Variants in METTL4 observed in about 807,000 individuals in gnomAD.
The protein encoded by METTL4 is methyltransferase 4, N6-adenosine.
A neutral mutation model predicts 54.0 loss-of-function variants in METTL4; 40 were observed. That is an observed-to-expected ratio of 0.74 (90% CI 0.58 to 0.96). The LOEUF (loss-of-function observed/expected upper bound fraction) is 0.96. Ranked by LOEUF, METTL4 falls within the 50% of genes least tolerant of loss-of-function variation. The probability of loss-of-function intolerance (pLI) is 0.00; values close to 1 mark genes in which losing one functional copy is unlikely to be tolerated. For synonymous variants in METTL4, 169 were observed against 183.8 expected (o/e 0.92, Z 0.65); for missense variants, 525 against 549.0 (o/e 0.96, Z 0.44).
chr18:2,544,097 G>T, intron 8 of METTL4, 98 bp downstream of exon 8: 2 of 828,358 alleles, frequency 2.4e-6, no homozygotes, highest in South Asian at 1.9e-5. Flanking sequence ...ACCTACGTCT[G>T]ACTTAATTTC....
Position 2,538,841 on chromosome 18 carries a change from T to C in METTL4, c.*159A>G. ...ACTCAAGTAAAATTCATCTTAAAAT[T>C]ACATGAAGGCTAGTCACTTCTGGTC... On this transcript the variant is annotated 3_prime_UTR_variant, in exon 9 of 9. Transcript: ENST00000574538. The C allele has an allele frequency of 1.5e-6, 1 of 653,840 alleles. No homozygotes were observed. The highest frequency in any genetic ancestry group is 2.5e-6 in the Non-Finnish European group (1 of 392,246). 40.5% of individuals were successfully genotyped at this position (653,840 alleles called of 1,614,324 possible). A position where few individuals can be genotyped will look rare whatever the true frequency, so the allele number is the denominator to read the frequency against.
At chr18:2,566,407 G>A (rs1000983702) in intron 2 of METTL4, among the ~76,000 whole-genome samples, 9 of 151,986 alleles carry the variant, frequency 5.9e-5, no homozygotes, top group Non-Finnish European at 1.2e-4. Flanking sequence ...AAAAACCTCC[G>A]AAATACCACT....
At position 2,554,714 on chromosome 18, in the gene METTL4, T is replaced by G; in HGVS notation, c.784A>C (p.Ser262Arg). The stretch of plus-strand genomic sequence containing the variant: ...CAAGAAATGTCAGATAAAAGAAAAC[T>G]GCTTTTCGGTGGTAGCAGGTATTTC... ...GQKYLLPPKS[S>R]FLLSDISCMQ... The change falls in exon 4 of 9, where the codon AGT becomes CGT. Residue 262 changes from serine (S) to arginine (R), a missense_variant. Physicochemically the swap from Ser to Arg is moderately radical, Grantham distance 110. Transcript: ENST00000574538. 1 of 1,609,920 alleles carries G rather than the reference T, an allele frequency of 6.2e-7. No homozygotes were observed. The highest frequency in any genetic ancestry group is 8.5e-7 in the Non-Finnish European group (1 of 1,178,908).
chr18:2,566,716 G>T, intron 2 of METTL4, 105 bp downstream of exon 2: 2 of 940,036 alleles, frequency 2.1e-6, no homozygotes, highest in Non-Finnish European at 2.9e-6. Context: ...GGGTTTTACT[G>T]ATTCTTCTTT....
chr18:2,563,979 T>C, intron 2 of METTL4, 120 bp from the exon 3 acceptor site: 1 of 602,594 alleles, frequency 1.7e-6, no homozygotes, highest in Non-Finnish European at 2.8e-6. Flanking sequence ...ATAGTAGTAA[T>C]TGTCTACTGA....
chr18:2,544,097 G>C, intron 8 of METTL4, 98 bp downstream of exon 8: 2 of 828,358 alleles, frequency 2.4e-6, no homozygotes, highest in Non-Finnish European at 3.7e-6. Context: ...ACCTACGTCT[G>C]ACTTAATTTC....
chr18:2,561,097 G>A (rs918848309), intron 3 of METTL4: 1 of 151,946 alleles, frequency 6.6e-6, no homozygotes, highest in Admixed American at 6.6e-5. Context: ...TTCCAACTCA[G>A]TTGAAACCCA....
In METTL4 at chr18:2,538,808, T is replaced by G; in HGVS notation, c.*192A>C. The G allele has an allele frequency of 1.7e-6, 1 of 582,934 alleles. No individual in the cohort carries two copies. Among genetic ancestry groups the G allele is most frequent in the Admixed American group, 3.0e-5 (1 of 32,926 alleles). 36.1% of individuals were successfully genotyped at this position (582,934 alleles called of 1,614,324 possible). On this transcript the variant is annotated 3_prime_UTR_variant, in exon 9 of 9. Coordinates refer to ENST00000574538, the MANE Select transcript of METTL4 (RefSeq NM_022840.5). ...GTATAGTCTAGAATAACATAGAATG[T>G]TAGTGCAACTCAAGTAAAATTCATC...
chr18:2,543,228 A>AT (rs2072021077), intron 8 of METTL4, among the ~76,000 whole-genome samples: 1 of 152,064 alleles, frequency 6.6e-6, no homozygotes, highest in Non-Finnish European at 1.5e-5. Context: ...CACTTTCTCC[A>AT]TTTCCCAGGT....
At position 2,537,565 on chromosome 18, in the gene METTL4, C is replaced by CT. The variant is rs2071929393; in HGVS notation, c.*1434_*1435insA. The CT allele has an allele frequency of 4.1e-6, 1 of 241,658 alleles. No individual in the cohort carries two copies. The highest frequency in any genetic ancestry group is 5.5e-5 in the Admixed American group (1 of 18,118). 15.0% of individuals were successfully genotyped at this position (241,658 alleles called of 1,614,324 possible). A position where few individuals can be genotyped will look rare whatever the true frequency, so the allele number is the denominator to read the frequency against. On this transcript the variant is annotated 3_prime_UTR_variant, in exon 9 of 9. Coordinates refer to ENST00000574538, the MANE Select transcript of METTL4 (RefSeq NM_022840.5). ...TTTGCTTCAAGTTTAATACCTTTTT[C>CT]CTTTTAAATAACAAGTTAGAATAGC...
At chr18:2,550,075 C>T (rs550969671) in intron 5 of METTL4, among the ~76,000 whole-genome samples, 120 of 152,098 alleles carry the variant, frequency 7.9e-4, no homozygotes, top group African/African-American at 2.8e-3. Flanking sequence ...TTCCTGCCAT[C>T]GAAACAAGTG....
chr18:2,546,196 C>G (rs1242032748), intron 6 of METTL4, among the ~76,000 whole-genome samples: 2 of 152,058 alleles, frequency 1.3e-5, no homozygotes, highest in Non-Finnish European at 2.9e-5. Context: ...ACTTGTCCCC[C>G]CTTATCCACA....
rs2072219025 is a variant in METTL4, at chr18:2,555,019, T to C, written c.479A>G (p.Asp160Gly). 4 of 1,613,402 alleles carry C rather than the reference T, an allele frequency of 2.5e-6. No homozygotes were observed. Among genetic ancestry groups the C allele is most frequent in the Non-Finnish European group, 2.5e-6 (3 of 1,179,786 alleles). ...TTCCTGGATCAACTGTAAAGATCCATCCAAAATCAGCTCCCTGATCTGTAA... is the reference window on the plus strand; with the variant it reads ...TTCCTGGATCAACTGTAAAGATCCACCCAAAATCAGCTCCCTGATCTGTAA... ...YHTKIRELIL[D>G]GSLQLIQEGL... is the part of the protein sequence containing the mutation. Residue 160 changes from aspartate (D) to glycine (G), a missense_variant, in exon 4 of 9, where the codon GAT (aspartate) becomes GGT (glycine). Transcript: ENST00000574538.
chr18:2,556,879 A>G (rs2072246998), intron 3 of METTL4, among the ~76,000 whole-genome samples: 2 of 152,172 alleles, frequency 1.3e-5, no homozygotes, highest in Non-Finnish European at 2.9e-5. Flanking sequence ...AATCCGCACT[A>G]TGTAACATCC....
At chr18:2,547,261 A>T in intron 6 of METTL4, 94 bp downstream of exon 6, 1 of 984,346 alleles carries the variant, frequency 1.0e-6, no homozygotes. Context: ...TTGAAGGAGT[A>T]CAGCAGTGAC....
intron 2 of METTL4, among the ~76,000 whole-genome samples, chr18:2,564,661 A>G (rs1008620851): frequency 6.6e-6 from 1 of 152,230 alleles, no homozygotes; most frequent in African/African-American, 2.4e-5. Flanking sequence ...TCAAACTCTT[A>G]GCATGCTAAC....
intron 1 of METTL4, among the ~76,000 whole-genome samples, chr18:2,570,230 T>G (rs2072482979): frequency 6.6e-6 from 1 of 152,206 alleles, no homozygotes; most frequent in Non-Finnish European, 1.5e-5. Context: ...TGGTGCCTAC[T>G]TTGGTTTTGG....
chr18:2,540,688 TAG>T, intron 8 of METTL4: 1 of 985,408 alleles, frequency 1.0e-6, no homozygotes. Context: ...AAGATTTCCC[TAG>T]AGTCTTGGAG....
At chr18:2,556,330 G>C (rs2072238488) in intron 3 of METTL4, among the ~76,000 whole-genome samples, 1 of 151,836 alleles carries the variant, frequency 6.6e-6, no homozygotes, top group African/African-American at 2.4e-5. Context: ...TTAGACCAAA[G>C]TCTGCTCTGA....
Sources: allele counts gnomAD v4.1 joint callset (sites outside exome capture counted in the v4.1 genomes callset), GRCh38; gene constraint gnomAD v4.1.1; transcripts MANE v1.5; gene names NCBI Gene and HGNC (gene_info 2026-07-23, HGNC 2026-07-21).